Variants in EPHA5 observed in about 807,000 individuals in gnomAD.
The protein encoded by EPHA5 is EPH receptor A5.
Under a neutral mutation model 105.0 loss-of-function variants are expected in EPHA5, and 60 were observed. That is an observed-to-expected ratio of 0.57 (90% CI 0.46 to 0.71). EPHA5 has a LOEUF of 0.71. Among genes scored for constraint, EPHA5 ranks in the 30% least tolerant of loss-of-function variants. The probability of loss-of-function intolerance (pLI) is 0.00; values close to 1 mark genes in which losing one functional copy is unlikely to be tolerated. For synonymous variants in EPHA5, 513 were observed against 449.1 expected, an observed-to-expected ratio of 1.14 and a Z score of -1.80; for missense variants, 1,218 against 1,274.7, an observed-to-expected ratio of 0.96 and a Z score of 0.68.
At chr4:65,600,117 A>G (rs1197763003) in intron 3 of EPHA5, among the ~76,000 whole-genome samples, 1 of 152,176 alleles carries the variant, frequency 6.6e-6, no homozygotes, top group East Asian at 1.9e-4. Flanking sequence ...TATATTTACA[A>G]TATTTTAGAC....
At chr4:65,458,613 C>G (rs1160137783) in intron 5 of EPHA5, among the ~76,000 whole-genome samples, 1 of 152,074 alleles carries the variant, frequency 6.6e-6, no homozygotes, top group East Asian at 1.9e-4. Flanking sequence ...TTAACTTTAT[C>G]TTAGAGTTAC....
chr4:65,583,621 G>T (rs1364228697), intron 3 of EPHA5, among the ~76,000 whole-genome samples: 1 of 151,670 alleles, frequency 6.6e-6, no homozygotes, highest in African/African-American at 2.4e-5. Flanking sequence ...ATCGCCTATG[G>T]TACTAATTAA....
At chr4:65,443,832 T>C (rs939288185) in intron 5 of EPHA5, among the ~76,000 whole-genome samples, 1 of 151,994 alleles carries the variant, frequency 6.6e-6, no homozygotes, top group African/African-American at 2.4e-5. Context: ...ACCCTAGCAA[T>C]AGCAGAGTAG....
At position 65,522,316 on chromosome 4, in the gene EPHA5, G is replaced by GTATATATATATATA. The variant is rs58851174; in HGVS notation, c.911-26787_911-26774dup. On this transcript the variant is annotated intron_variant, in intron 3 of 16. Coordinates refer to ENST00000613740, the MANE Select transcript of EPHA5 (RefSeq NM_001281766.3). Reference sequence around the variant, plus strand: ...GAAATATGTGTGTGTATATATATATGTATATATATATATATATAAAATCAA... The same window carrying GTATATATATATATA: ...GAAATATGTGTGTGTATATATATATGTATATATATATATATATATATATATATATATAAAATCAA... Among the ~76,000 whole-genome samples, 346 of 142,860 alleles carry GTATATATATATATA rather than the reference G, an allele frequency of 2.4e-3. 1 individual carries two copies. Among genetic ancestry groups the GTATATATATATATA allele is most frequent in the African/African-American group, 8.6e-3 (323 of 37,358 alleles). The allele number at this position is 142,860 out of a possible 152,430, so 93.7% of individuals were successfully genotyped here. A position where few individuals can be genotyped will look rare whatever the true frequency, so the allele number is the denominator to read the frequency against.
At chr4:65,433,755 C>A (rs377066642) in intron 5 of EPHA5, among the ~76,000 whole-genome samples, 1 of 152,172 alleles carries the variant, frequency 6.6e-6, no homozygotes, top group African/African-American at 2.4e-5. Flanking sequence ...GCTCCAGCCT[C>A]TTCCTCCATG....
At chr4:65,557,258 A>ATATATATT (rs1297322719) in intron 3 of EPHA5, among the ~76,000 whole-genome samples, 5 of 145,118 alleles carry the variant, frequency 3.4e-5, no homozygotes, top group African/African-American at 1.3e-4. Context: ...ATATATATAT[A>ATATATATT]TTCTCACACT....
At chr4:65,418,559 C>T (rs1019772124) in intron 6 of EPHA5, among the ~76,000 whole-genome samples, 2 of 152,046 alleles carry the variant, frequency 1.3e-5, no homozygotes, top group African/African-American at 2.4e-5. Context: ...AAGTATGTGT[C>T]ATCATTTATG....
intron 3 of EPHA5, among the ~76,000 whole-genome samples, chr4:65,598,142 A>T (rs1743363998): frequency 6.6e-6 from 1 of 152,182 alleles, no homozygotes; most frequent in Non-Finnish European, 1.5e-5. Flanking sequence ...AAATGTCATC[A>T]TGTAATATGG....
At chr4:65,383,561 T>A (rs1011717243) in intron 8 of EPHA5, among the ~76,000 whole-genome samples, 3 of 151,910 alleles carry the variant, frequency 2.0e-5, no homozygotes, top group African/African-American at 7.2e-5. Flanking sequence ...AAACCCAGCA[T>A]GGAACTATGA....
chr4:65,576,202 C>A (rs975061806), intron 3 of EPHA5, among the ~76,000 whole-genome samples: 5 of 151,256 alleles, frequency 3.3e-5, no homozygotes, highest in Non-Finnish European at 7.4e-5. Flanking sequence ...AAAATAAATG[C>A]AGAAAATTGA....
At chr4:65,397,212 GT>G (rs768026282) in intron 8 of EPHA5, among the ~76,000 whole-genome samples, 1 of 152,124 alleles carries the variant, frequency 6.6e-6, no homozygotes, top group Non-Finnish European at 1.5e-5. Context: ...GGCTCTGATG[GT>G]TCAGAAGTCA....
At chr4:65,560,583 C>G (rs538140663) in intron 3 of EPHA5, among the ~76,000 whole-genome samples, 3 of 152,192 alleles carry the variant, frequency 2.0e-5, no homozygotes, top group Admixed American at 6.6e-5. Flanking sequence ...CCATCCCACT[C>G]TAGGAGAGAT....
intron 2 of EPHA5, among the ~76,000 whole-genome samples, chr4:65,636,605 A>G (rs1747142676): frequency 6.6e-6 from 1 of 152,024 alleles, no homozygotes; most frequent in Non-Finnish European, 1.5e-5. Flanking sequence ...ATATTTATAT[A>G]CTGAAAGTGT....
Position 65,425,190 on chromosome 4 carries a change from C to A in EPHA5, c.1403-4625G>T, listed in dbSNP as rs73822143. Among the ~76,000 whole-genome samples the A allele has an allele frequency of 2.5e-3, 379 of 151,794 alleles. 5 individuals carry two copies. Among genetic ancestry groups the A allele is most frequent in the African/African-American group, 8.7e-3 (362 of 41,394 alleles). Reference sequence around the variant, plus strand: ...GTGTTAAAAACTTCATCAGATGACACTTTTTAAACTTTCCAACTGAAGTCC... The same window carrying A: ...GTGTTAAAAACTTCATCAGATGACAATTTTTAAACTTTCCAACTGAAGTCC... On this transcript the variant is annotated intron_variant, in intron 5 of 16. Transcript: ENST00000613740.
intron 11 of EPHA5, among the ~76,000 whole-genome samples, chr4:65,362,798 C>T (rs1418900421): frequency 1.3e-5 from 2 of 151,596 alleles, no homozygotes; most frequent in Non-Finnish European, 3.0e-5. Flanking sequence ...TAATAAAGGT[C>T]TGTAAAATAT....
chr4:65,462,916 C>A (rs1728262897), intron 5 of EPHA5, among the ~76,000 whole-genome samples: 1 of 152,066 alleles, frequency 6.6e-6, no homozygotes, highest in Non-Finnish European at 1.5e-5. Context: ...AAACAGAAAT[C>A]CCTATCTCTG....
intron 5 of EPHA5, among the ~76,000 whole-genome samples, chr4:65,465,540 AGGAAGGAAAGGAAGGAAAGGAAG>A (rs1560567693): frequency 5.7e-4 from 41 of 71,858 alleles, no homozygotes; most frequent in African/African-American, 2.4e-3. Flanking sequence ...AAGAAAGGAA[AGGAAGGAAAGGAAGGAAAGGAAG>A]GAAAGGAAGG....
At chr4:65,652,204 C>G (rs986416103) in intron 1 of EPHA5, among the ~76,000 whole-genome samples, 4 of 152,028 alleles carry the variant, frequency 2.6e-5, no homozygotes. Context: ...AAAACATTGT[C>G]AAGTCCTCAC....
intron 8 of EPHA5, among the ~76,000 whole-genome samples, chr4:65,392,426 G>A (rs1253027254): frequency 6.6e-6 from 1 of 151,914 alleles, no homozygotes; most frequent in African/African-American, 2.4e-5. Flanking sequence ...ATATTTATGA[G>A]ATTAAAATGT....
Sources: gnomAD v4.1 joint callset for allele counts (sites outside exome capture counted in the v4.1 genomes callset) on GRCh38, gnomAD v4.1.1 for gene constraint, MANE v1.5 for transcripts, NCBI Gene and HGNC (gene_info 2026-07-23, HGNC 2026-07-21) for gene names.